The following SH2D4A variants were observed in gnomAD, a reference collection of about 807,000 sequenced individuals.
SH2D4A encodes the protein SH2 domain-containing protein 4A.
Under a neutral mutation model 64.7 loss-of-function variants are expected in SH2D4A, and 70 were observed. The observed-to-expected ratio is 1.08, with a 90% CI of 0.89 to 1.32. The LOEUF (loss-of-function observed/expected upper bound fraction) is 1.32, where lower values mean the gene tolerates loss of function less well. Among genes scored for constraint, SH2D4A ranks in the 40% most tolerant of loss-of-function variants. The pLI is 0.00. For missense variants in SH2D4A, 706 were observed against 540.1 expected (o/e 1.31, Z -3.04); for synonymous variants, 268 against 200.7 (o/e 1.34, Z -2.83).
chr8:19,384,860 C>CG (rs1175258881), intron 8 of SH2D4A, among the ~76,000 whole-genome samples: 4 of 152,176 alleles, frequency 2.6e-5, no homozygotes, highest in Non-Finnish European at 5.9e-5. Context: ...TTTATTGCAG[C>CG]TCAGAAACTG....
At chr8:19,334,967 T>C (rs994873674) in intron 4 of SH2D4A, 110 bp downstream of exon 4, 66 of 1,259,120 alleles carry the variant, frequency 5.2e-5, no homozygotes, top group Middle Eastern at 2.9e-4. Context: ...AGTGGCTTTC[T>C]TGGGAGAAAT....
chr8:19,378,900 C>A (rs866294166), intron 8 of SH2D4A, among the ~76,000 whole-genome samples: 15 of 140,232 alleles, frequency 1.1e-4, no homozygotes, highest in African/African-American at 4.0e-4. Context: ...CATGGCAACA[C>A]CCCATCTCTC....
chr8:19,364,705 C>T (rs1448709590), intron 7 of SH2D4A, among the ~76,000 whole-genome samples: 1 of 152,144 alleles, frequency 6.6e-6, no homozygotes, highest in Non-Finnish European at 1.5e-5. Context: ...AACCCAAAGG[C>T]TTGCTGACTT....
chr8:19,343,506 T>C (rs571135414), intron 4 of SH2D4A, among the ~76,000 whole-genome samples: 1 of 152,066 alleles, frequency 6.6e-6, no homozygotes, highest in African/African-American at 2.4e-5. Flanking sequence ...AAAAAAAAGA[T>C]TAGGTAGTAA....
intron 4 of SH2D4A, among the ~76,000 whole-genome samples, chr8:19,356,919 C>T (rs1454481387): frequency 6.6e-6 from 1 of 152,246 alleles, no homozygotes; most frequent in Non-Finnish European, 1.5e-5. Context: ...CCCCAGGGCC[C>T]TCCAGGGCCA....
Position 19,332,575 on chromosome 8 carries a change from G to A in SH2D4A, c.182-380G>A, listed in dbSNP as rs4075193. On this transcript the variant is annotated intron_variant, in intron 2 of 9. Coordinates refer to ENST00000265807, the MANE Select transcript of SH2D4A (RefSeq NM_022071.4). ...TAGCTGGGCATGGTGGCAGGTGCCT[G>A]TAATCCCAGCTACTTGGGAGGCTGA... Among the ~76,000 whole-genome samples, 1,040 of 148,118 alleles carry A rather than the reference G, an allele frequency of 7.0e-3. 11 individuals are homozygous for A. The highest frequency in any genetic ancestry group is 0.025 in the African/African-American group (982 of 39,908).
intron 7 of SH2D4A, among the ~76,000 whole-genome samples, chr8:19,372,866 C>G (rs887155904): frequency 3.4e-5 from 5 of 148,148 alleles, no homozygotes; most frequent in African/African-American, 7.5e-5. Context: ...TTTAGCAGAA[C>G]TAAATGTCAT....
chr8:19,393,442 T>C lies in SH2D4A; in HGVS notation c.1173T>C (p.Cys391=). 1 of 1,614,252 alleles carries C rather than the reference T, an allele frequency of 6.2e-7. No individual in the cohort carries two copies. The highest frequency in any genetic ancestry group is 8.5e-7 in the Non-Finnish European group (1 of 1,180,040). The change falls in exon 9 of 10, where the codon TGT becomes TGC. Residue 391 remains cysteine, a synonymous_variant. Transcript: ENST00000265807. The part of the protein sequence containing the change: ...YALSYLSEDG[C]KHFLIDASAD... The stretch of plus-strand genomic sequence containing the variant: ...TGTCCTATCTGTCGGAGGACGGCTG[T>C]AAACATTTCCTCATCGATGCCTCTG...
intron 1 of SH2D4A, 76 bp downstream of exon 1, chr8:19,313,899 G>A (rs1346035976): frequency 7.3e-7 from 1 of 1,371,172 alleles, no homozygotes; most frequent in Non-Finnish European, 9.4e-7. Flanking sequence ...AATTTCCTCG[G>A]AGGTTGCATG....
chr8:19,378,911 CAAAAAA>C (rs375441883), intron 8 of SH2D4A, among the ~76,000 whole-genome samples: 10 of 103,050 alleles, frequency 9.7e-5, no homozygotes, highest in Non-Finnish European at 1.5e-4. Flanking sequence ...CCCATCTCTC[CAAAAAA>C]AAAAAAAAAA....
At position 19,394,592 on chromosome 8, in the gene SH2D4A, C is replaced by G. The variant is rs185882535; in HGVS notation, c.1315C>G (p.Pro439Ala). The change falls in exon 10 of 10, where the codon CCC becomes GCC. Residue 439 changes from proline (P) to alanine (A), a missense_variant. Coordinates refer to ENST00000265807, the MANE Select transcript of SH2D4A (RefSeq NM_022071.4). ...CCTGGGGAAGGAGCTCCTTCTCTAT[C>G]CCTGTGGTCAGCAGGACCAGCTGCC... The part of the protein sequence containing the change: ...TSLGKELLLY[P>A]CGQQDQLPDY... The G allele has an allele frequency of 6.2e-7, 1 of 1,608,588 alleles. No homozygotes were observed. Among genetic ancestry groups the G allele is most frequent in the East Asian group, 2.2e-5 (1 of 44,578 alleles).
intron 8 of SH2D4A, among the ~76,000 whole-genome samples, chr8:19,390,956 A>T (rs542054398): frequency 4.6e-5 from 7 of 152,288 alleles, no homozygotes; most frequent in Non-Finnish European, 8.8e-5. Context: ...TAATTTCCAG[A>T]TGTCATAAAT....
chr8:19,350,346 T>G (rs1028704974), intron 4 of SH2D4A, among the ~76,000 whole-genome samples: 1 of 152,238 alleles, frequency 6.6e-6, no homozygotes, highest in African/African-American at 2.4e-5. Context: ...GTTTGTGCAT[T>G]GCTTAGTGGT....
chr8:19,362,228 C>T (rs2052902516), intron 6 of SH2D4A, among the ~76,000 whole-genome samples: 1 of 152,182 alleles, frequency 6.6e-6, no homozygotes, highest in Non-Finnish European at 1.5e-5. Context: ...ATCCAGTAGG[C>T]TCTTTGTACT....
rs541243586 is a variant in SH2D4A, at chr8:19,334,480, A to C, written c.342-206A>C. ...TTCTTGGAGCTCTTATAACAAAGTG[A>C]GGATGACAATGCCTTCCTCACAGGG... On this transcript the variant is annotated intron_variant, in intron 3 of 9. Transcript: ENST00000265807. 2.6e-5 allele frequency among the ~76,000 whole-genome samples: 4 copies of C among 152,304 alleles called. No individual in the cohort carries two copies. In the East Asian group the frequency reaches 7.7e-4, roughly 29 times the overall value.
At chr8:19,333,822 C>T (rs573184721) in intron 3 of SH2D4A, among the ~76,000 whole-genome samples, 1 of 152,110 alleles carries the variant, frequency 6.6e-6, no homozygotes, top group African/African-American at 2.4e-5. Context: ...GAGTGGTTTT[C>T]CAGCTACAGA....
chr8:19,334,950 A>T, intron 4 of SH2D4A, 93 bp downstream of exon 4: 1 of 1,409,688 alleles, frequency 7.1e-7, no homozygotes, highest in Non-Finnish European at 9.5e-7. Flanking sequence ...GAGTGTCAGG[A>T]TCCTCCAGTG....
chr8:19,356,705 G>A (rs1486927239), intron 4 of SH2D4A, among the ~76,000 whole-genome samples: 2 of 152,214 alleles, frequency 1.3e-5, no homozygotes. Context: ...GACAAGGGCA[G>A]GAAAAGAGGA....
At chr8:19,322,955 A>G (rs1057038097) in intron 2 of SH2D4A, among the ~76,000 whole-genome samples, 4 of 152,148 alleles carry the variant, frequency 2.6e-5, no homozygotes, top group Non-Finnish European at 4.4e-5. Flanking sequence ...GATTACACGC[A>G]TGACCCACCG....
Sources: allele counts gnomAD v4.1 joint callset (sites outside exome capture counted in the v4.1 genomes callset), GRCh38; gene constraint gnomAD v4.1.1; transcripts MANE v1.5; gene names NCBI Gene and HGNC (gene_info 2026-07-23, HGNC 2026-07-21).